The following DMD variants were observed in gnomAD, a reference collection of about 807,000 sequenced individuals.
The protein encoded by DMD is dystrophin.
Under a neutral mutation model 330.1 loss-of-function variants are expected in DMD, and 63 were observed. That is an observed-to-expected ratio of 0.19 (90% CI 0.16 to 0.24). The LOEUF (loss-of-function observed/expected upper bound fraction) is 0.24, where lower values mean the gene tolerates loss of function less well. Ranked by LOEUF, DMD falls within the 10% of genes least tolerant of loss-of-function variation. DMD has a pLI of 1.00. For missense variants in DMD, 3,344 were observed against 2,684.1 expected, an observed-to-expected ratio of 1.25 and a Z score of -5.43; for synonymous variants, 1,223 against 959.8, an observed-to-expected ratio of 1.27 and a Z score of -5.07.
chrX:33,071,958 T>G (rs185490791), intron 1 of DMD, among the ~76,000 whole-genome samples: 12 of 112,315 alleles, frequency 1.1e-4, no homozygotes, highest in Admixed American at 1.0e-3. Flanking sequence ...AGCTGGTAGA[T>G]TAAAGCAAAG....
intron 44 of DMD, among the ~76,000 whole-genome samples, chrX:32,163,952 C>T (rs924812909): frequency 3.6e-5 from 4 of 111,450 alleles, no homozygotes; most frequent in African/African-American, 9.8e-5. Flanking sequence ...CTCAAGACTA[C>T]GGATTTTCTG....
intron 7 of DMD, among the ~76,000 whole-genome samples, chrX:32,728,671 T>A (rs2067174119): frequency 8.9e-6 from 1 of 112,511 alleles, no homozygotes; most frequent in Non-Finnish European, 1.9e-5. Context: ...TTGATATTAA[T>A]CAGTAAGGCA....
chrX:32,939,235 A>C (rs1306020237), intron 2 of DMD, among the ~76,000 whole-genome samples: 1 of 106,256 alleles, frequency 9.4e-6, no homozygotes, highest in East Asian at 2.8e-4. Context: ...ATGTATATAT[A>C]TTTGAGATAT....
At chrX:31,804,704 A>G (rs766997557) in intron 50 of DMD, among the ~76,000 whole-genome samples, 1 of 111,674 alleles carries the variant, frequency 9.0e-6, no homozygotes. Flanking sequence ...TGCTTCAGCC[A>G]TACTGATATT....
At chrX:31,886,845 G>A (rs2094162160) in intron 47 of DMD, among the ~76,000 whole-genome samples, 2 of 111,938 alleles carry the variant, frequency 1.8e-5, no homozygotes, top group African/African-American at 6.5e-5. Flanking sequence ...TTTCTGCAAT[G>A]AATATGTGCT....
At chrX:31,544,323 CAAAAAAAAAA>C (rs756215454) in intron 55 of DMD, among the ~76,000 whole-genome samples, 1 of 50,884 alleles carries the variant, frequency 2.0e-5, no homozygotes, top group African/African-American at 6.0e-5. Flanking sequence ...GACTCCGTCT[CAAAAAAAAAA>C]AAAAAAAAGG....
At chrX:31,843,962 G>A (rs1036709528) in intron 48 of DMD, among the ~76,000 whole-genome samples, 32 of 110,358 alleles carry the variant, frequency 2.9e-4, no homozygotes, top group Admixed American at 1.4e-3. Flanking sequence ...TGGCTCAAGC[G>A]GTTCTCCTGC....
At chrX:32,517,748 G>T (rs2045995737) in intron 18 of DMD, 1 of 420,971 alleles carries the variant, frequency 2.4e-6, no homozygotes, top group Admixed American at 4.2e-5. Flanking sequence ...TCATAAAATT[G>T]TTAATTTATA....
chrX:33,301,639 C>T (rs974252275), intron 1 of DMD, among the ~76,000 whole-genome samples: 8 of 111,621 alleles, frequency 7.2e-5, no homozygotes, highest in Non-Finnish European at 1.5e-4. Context: ...CTGGTGAGGA[C>T]CCAGTCTCTG....
At chrX:31,862,477 C>T (rs1314890502) in intron 48 of DMD, among the ~76,000 whole-genome samples, 1 of 111,312 alleles carries the variant, frequency 9.0e-6, no homozygotes, top group Non-Finnish European at 1.9e-5. Context: ...AAATTTACCC[C>T]CAACTTTGTA....
intron 1 of DMD, among the ~76,000 whole-genome samples, chrX:33,144,569 C>T (rs1280853370): frequency 9.0e-6 from 1 of 111,004 alleles, no homozygotes. Context: ...CTTACGTACC[C>T]ACAATAATTA....
rs1281799598 is a variant in DMD at position 32,155,947 on chromosome X, T to A, written c.6438+60969A>T. 3.0e-5 allele frequency among the ~76,000 whole-genome samples: 3 copies of A among 100,032 alleles called. No homozygotes were observed. The East Asian group carries it at 9.1e-4, about 30-fold the overall frequency. The allele number at this position is 100,032 out of a possible 115,157, so 86.9% of individuals were successfully genotyped here. On this transcript the variant is annotated intron_variant, in intron 44 of 78. Coordinates refer to ENST00000357033, the MANE Select transcript of DMD (RefSeq NM_004006.3). ...AACAGCTCCAGAGGGTTAATAAGAG[T>A]GTGTGTGTGTATCCTTTTGTCATTC...
rs3805056 is a variant in DMD at position 32,515,206 on chromosome X, G to A, written c.2292+2802C>T. ...TTGAAAAAGTGTTTGAGCCTGCCGA[G>A]TGAGAGTGTGGGAAAGCAGAGGAAG... On this transcript the variant is annotated intron_variant, in intron 18 of 78. Transcript: ENST00000357033. Among the ~76,000 whole-genome samples the A allele has an allele frequency of 4.8e-3, 533 of 111,197 alleles. 2 individuals carry two copies. The highest frequency in any genetic ancestry group is 0.024 in the East Asian group (86 of 3,535).
chrX:32,438,931 A>C (rs2098271408), intron 28 of DMD, among the ~76,000 whole-genome samples: 1 of 111,550 alleles, frequency 9.0e-6, no homozygotes, highest in Non-Finnish European at 1.9e-5. Flanking sequence ...AACCCTGAGT[A>C]ACCTCCCTTC....
chrX:31,525,677 C>T (rs190908395), intron 55 of DMD, among the ~76,000 whole-genome samples: 59 of 111,679 alleles, frequency 5.3e-4, no homozygotes, highest in African/African-American at 1.9e-3. Context: ...GTGAACCTCC[C>T]ATACCTCTGA....
At chrX:32,514,088 G>A (rs2045604969) in intron 18 of DMD, among the ~76,000 whole-genome samples, 2 of 110,689 alleles carry the variant, frequency 1.8e-5, no homozygotes, top group South Asian at 7.8e-4. Flanking sequence ...TAATGATAAA[G>A]ACCTGGGATG....
intron 9 of DMD, among the ~76,000 whole-genome samples, chrX:32,693,325 G>A (rs1337189629): frequency 8.9e-6 from 1 of 112,103 alleles, no homozygotes; most frequent in African/African-American, 3.2e-5. Flanking sequence ...GTTGATTAGG[G>A]GCACTAGGTT....
rs201366610 is a variant in DMD, at chrX:32,501,833, G to C, written c.2302C>G (p.Arg768Gly). Residue 768 changes from arginine to glycine, a missense_variant, in exon 19 of 79, where the codon CGA becomes GGA. By Grantham distance (125) the Arg-to-Gly change is moderately radical. Coordinates refer to ENST00000357033, the MANE Select transcript of DMD (RefSeq NM_004006.3). ...DLKEKVNAIE[R>G]EKAEKFRKLQ... ...TTTCTGAACTTCTCAGCTTTTTCTC[G>C]CTCTATGGCCTGCAGCATGAGAGCA... 8.3e-7 allele frequency: 1 copy of C among 1,198,538 alleles called. No individual in the cohort carries two copies. The highest frequency in any genetic ancestry group is 3.0e-5 in the East Asian group (1 of 33,653).
chrX:31,922,495 G>GGTGTGTGT (rs765621749), intron 47 of DMD, among the ~76,000 whole-genome samples: 17,510 of 97,261 alleles, frequency 0.18, 1,941 homozygotes, highest in African/African-American at 0.37. Flanking sequence ...ACTTGAGACT[G>GGTGTGTGT]GTGTGTGTGT....
Sources: gnomAD v4.1 joint callset for allele counts (sites outside exome capture counted in the v4.1 genomes callset) on GRCh38, gnomAD v4.1.1 for gene constraint, MANE v1.5 for transcripts, NCBI Gene and HGNC (gene_info 2026-07-23, HGNC 2026-07-21) for gene names.